PKD1L3: variants seen among roughly 807,000 people sequenced by gnomAD.
PKD1L3 encodes polycystin 1 like 3, transient receptor potential channel interacting.
Under a neutral mutation model 184.1 loss-of-function variants are expected in PKD1L3, and 239 were observed. The ratio of observed to expected loss-of-function variants is 1.30; its 90% confidence interval spans 1.17 to 1.45. PKD1L3 has a LOEUF of 1.45. Ranked by LOEUF, PKD1L3 falls within the 40% of genes most tolerant of loss-of-function variation. The pLI is 0.00. For missense variants in PKD1L3, 2,660 were observed against 2,067.2 expected, an observed-to-expected ratio of 1.29 and a Z score of -5.56; for synonymous variants, 996 against 778.8, an observed-to-expected ratio of 1.28 and a Z score of -4.64.
chr16:71,999,142 C>G (rs2040887166), intron 1 of PKD1L3, among the ~76,000 whole-genome samples: 1 of 151,708 alleles, frequency 6.6e-6, no homozygotes. Flanking sequence ...GTGGTGGCGG[C>G]CACCTGTAGT....
chr16:71,948,803 TA>T (rs57129483), intron 21 of PKD1L3, among the ~76,000 whole-genome samples: 71 of 81,204 alleles, frequency 8.7e-4, no homozygotes, highest in South Asian at 5.9e-3. Context: ...TTACATATAG[TA>T]AAAAAAAAAA....
intron 22 of PKD1L3, among the ~76,000 whole-genome samples, chr16:71,945,266 CTATATATA>C (rs60469321): frequency 4.1e-4 from 26 of 63,944 alleles, no homozygotes; most frequent in African/African-American, 6.4e-4. Flanking sequence ...AATTTCTTAA[CTATATATA>C]TATATATATA....
chr16:71,999,646 G>A lies in PKD1L3; in HGVS notation c.295+38C>T, dbSNP rs139898664. 1.2e-4 allele frequency: 168 copies of A among 1,417,422 alleles called. No individual in the cohort carries two copies. In the East Asian group the frequency reaches 3.1e-3, roughly 26 times the overall value. 87.8% of individuals were successfully genotyped at this position (1,417,422 alleles called of 1,614,324 possible). On this transcript the variant is annotated intron_variant, in intron 1 of 29. Transcript: ENST00000620267. ...TTTCTGTCCCAGAATAAAATATAAG[G>A]AAGTTTCCTTCATAAACACTGAACC...
chr16:71,967,853 G>T (rs184689720), intron 14 of PKD1L3, 53 bp downstream of exon 14: 2 of 1,418,378 alleles, frequency 1.4e-6, no homozygotes, highest in Non-Finnish European at 9.7e-7. Context: ...CTCAGAGTGT[G>T]TCTCATGTGG....
At chr16:71,964,241 G>C (rs1252901487) in intron 15 of PKD1L3, among the ~76,000 whole-genome samples, 3 of 139,000 alleles carry the variant, frequency 2.2e-5, no homozygotes, top group African/African-American at 8.1e-5. Flanking sequence ...CTCCTTTACT[G>C]TAATGATGCT....
chr16:71,948,208 G>T (rs1347532447), intron 21 of PKD1L3, among the ~76,000 whole-genome samples: 1 of 152,076 alleles, frequency 6.6e-6, no homozygotes, highest in Non-Finnish European at 1.5e-5. Context: ...TCAGCCTCCT[G>T]AGTAGCTGGG....
chr16:71,999,917 C>T lies in PKD1L3; in HGVS notation c.62G>A (p.Ser21Asn). The T allele has an allele frequency of 7.7e-6, 12 of 1,551,296 alleles. No homozygotes were observed. Among genetic ancestry groups the T allele is most frequent in the Non-Finnish European group, 1.0e-5 (12 of 1,146,674 alleles). Residue 21 changes from serine (S) to asparagine (N), a missense_variant, in exon 1 of 30, where the codon AGT (serine) becomes AAT (asparagine). Coordinates refer to ENST00000620267, the MANE Select transcript of PKD1L3 (RefSeq NM_181536.2). ...ATGTGGTGCTGGGCTGTTTAGCTCA[C>T]TTCCTAGAATAATACTTGTTCTGAT... ...LYIRTSIILG[S>N]ELNSPAPHGQ... is the part of the protein sequence containing the mutation.
intron 28 of PKD1L3, 115 bp downstream of exon 28, chr16:71,933,305 T>A (rs937341296): frequency 3.0e-5 from 23 of 757,904 alleles, no homozygotes; most frequent in Admixed American, 6.5e-5. Flanking sequence ...AGGACTGAAA[T>A]TTTCCCCCTT....
rs1211916337 is a variant in PKD1L3, at chr16:71,999,826, A to C, written c.153T>G (p.Cys51Trp). The C allele has an allele frequency of 3.2e-6, 5 of 1,551,764 alleles. No individual in the cohort carries two copies. The highest frequency in any genetic ancestry group is 1.4e-5 in the African/African-American group (1 of 73,170). The change falls in exon 1 of 30, where the codon TGT becomes TGG. Residue 51 changes from cysteine (C) to tryptophan (W), a missense_variant. Physicochemically the swap from Cys to Trp is radical, Grantham distance 215. Coordinates refer to ENST00000620267, the MANE Select transcript of PKD1L3 (RefSeq NM_181536.2). ...QCSFEEAQHY[C>W]HVQRGFLAHI... Reference sequence around the variant, plus strand: ...GAGCTAGGAATCCTCTCTGCACATGACAGTAATGCTGTGCTTCCTCAAAGC... The same window carrying C: ...GAGCTAGGAATCCTCTCTGCACATGCCAGTAATGCTGTGCTTCCTCAAAGC...
chr16:71,963,878 C>T (rs1375729803), intron 15 of PKD1L3, among the ~76,000 whole-genome samples: 1 of 152,100 alleles, frequency 6.6e-6, no homozygotes, highest in Non-Finnish European at 1.5e-5. Context: ...CCTTTCTCAC[C>T]TATGAATAGA....
chr16:71,994,187 T>A (rs1458383092), intron 2 of PKD1L3, among the ~76,000 whole-genome samples: 1 of 152,162 alleles, frequency 6.6e-6, no homozygotes, highest in South Asian at 2.1e-4. Context: ...CAGCTTAAAT[T>A]CGCTATCGTG....
Position 71,954,304 on chromosome 16 carries a change from G to A in PKD1L3, c.2613-3C>T, listed in dbSNP as rs2038965014. On this transcript the variant is annotated splice_region_variant and splice_polypyrimidine_tract_variant and intron_variant, in intron 16 of 29. Coordinates refer to ENST00000620267, the MANE Select transcript of PKD1L3 (RefSeq NM_181536.2). ...CAATCATGGAGGAAAACAGATGTCT[G>A]AAAAGAGAAATCAGAAGAGGAAATA... The A allele has an allele frequency of 4.6e-6, 7 of 1,521,278 alleles. No individual in the cohort carries two copies. The highest frequency in any genetic ancestry group is 5.3e-6 in the Non-Finnish European group (6 of 1,131,528). 94.2% of individuals were successfully genotyped at this position (1,521,278 alleles called of 1,614,324 possible). A position where few individuals can be genotyped will look rare whatever the true frequency, so the allele number is the denominator to read the frequency against.
chr16:71,950,198 G>C lies in PKD1L3; in HGVS notation c.3303C>G (p.Phe1101Leu). 6.4e-7 allele frequency: 1 copy of C among 1,552,276 alleles called. No individual in the cohort carries two copies. Among genetic ancestry groups the C allele is most frequent in the Non-Finnish European group, 8.7e-7 (1 of 1,147,134 alleles). ...GLTQGHQSCDFLDAASQLQKL... is the reference protein window; with the variant it reads ...GLTQGHQSCDLLDAASQLQKL... ...TTTGAAGTTGGCTGGCTGCATCTAG[G>C]AAGTCACAGGACTGGTGACCCTGGG... Residue 1101 changes from phenylalanine (F) to leucine (L), a missense_variant, in exon 20 of 30, where the codon TTC (phenylalanine) becomes TTG (leucine). By Grantham distance (22) the Phe-to-Leu change is conservative (BLOSUM62 0). Coordinates refer to ENST00000620267, the MANE Select transcript of PKD1L3 (RefSeq NM_181536.2).
intron 6 of PKD1L3, among the ~76,000 whole-genome samples, chr16:71,983,539 C>T (rs1213883815): frequency 6.6e-6 from 1 of 152,024 alleles, no homozygotes; most frequent in Admixed American, 6.6e-5. Flanking sequence ...CCAACAATGT[C>T]ACTACTGATC....
chr16:71,969,793 T>G, intron 13 of PKD1L3, 82 bp downstream of exon 13: 2 of 1,278,814 alleles, frequency 1.6e-6, no homozygotes, highest in Non-Finnish European at 2.1e-6. Context: ...TCCTGCTGCT[T>G]TTGACGAAGG....
In PKD1L3 at chr16:71,942,887, G is replaced by C; in HGVS notation, c.3997C>G (p.Pro1333Ala). 6.4e-7 allele frequency: 1 copy of C among 1,551,556 alleles called. No homozygotes were observed. Among genetic ancestry groups the C allele is most frequent in the Non-Finnish European group, 8.7e-7 (1 of 1,146,922 alleles). The change falls in exon 24 of 30, where the codon CCC (proline) becomes GCC (alanine). Residue 1333 changes from proline to alanine, a missense_variant. Pro to Ala is a conservative substitution (Grantham distance 27). Transcript: ENST00000620267. ...GGAAGAAGGATATGATTGGCCCAGG[G>C]GTAGAAATCCTGAAGAAGTTTGATT... ...SEIKLLQDFY[P>A]WANHILLPSL...
At chr16:71,966,450 G>C (rs12926294) in intron 15 of PKD1L3, among the ~76,000 whole-genome samples, 2 of 146,988 alleles carry the variant, frequency 1.4e-5, no homozygotes, top group African/African-American at 2.5e-5. Flanking sequence ...TTCCCTCCGA[G>C]ACAGGGTCTT....
intron 12 of PKD1L3, among the ~76,000 whole-genome samples, chr16:71,971,014 G>A (rs914964165): frequency 2.6e-5 from 4 of 152,130 alleles, no homozygotes; most frequent in Non-Finnish European, 2.9e-5. Flanking sequence ...TTCATGAGGC[G>A]ATTGTCTTGT....
rs1193800902 is a variant in PKD1L3 at position 71,929,545 on chromosome 16, AG to A, written c.5191del (p.Leu1731TyrfsTer?). On this transcript the variant is annotated frameshift_variant, in exon 30 of 30. Coordinates refer to ENST00000620267, the MANE Select transcript of PKD1L3 (RefSeq NM_181536.2). LOFTEE classifies it high-confidence loss of function. ...AAGTAGGAGATAACAGGATTAAGGTAGTTCATCTAAAACTTCAGTGTCACTG... is the reference window on the plus strand; with the variant it reads ...AAGTAGGAGATAACAGGATTAAGGTATTCATCTAAAACTTCAGTGTCACTG... ...VGSDTEVLDE[L>X]P 5.2e-6 allele frequency: 8 copies of A among 1,550,608 alleles called. No individual in the cohort carries two copies. In the East Asian group the frequency reaches 2.0e-4, roughly 38 times the overall value.
Sources: allele counts gnomAD v4.1 joint callset (sites outside exome capture counted in the v4.1 genomes callset), GRCh38; gene constraint gnomAD v4.1.1; transcripts MANE v1.5; gene names NCBI Gene and HGNC (gene_info 2026-07-23, HGNC 2026-07-21).